The following HACD1 variants were observed in gnomAD, a reference collection of about 807,000 sequenced individuals.
HACD1 encodes very-long-chain (3R)-3-hydroxyacyl-CoA dehydratase 1.
HACD1 carries 41 observed loss-of-function variants against 32.0 expected under a neutral mutation model. The ratio of observed to expected loss-of-function variants is 1.28; its 90% confidence interval spans 1.00 to 1.66. The LOEUF (loss-of-function observed/expected upper bound fraction) is 1.66. Among genes scored for constraint, HACD1 ranks in the 40% most tolerant of loss-of-function variants. The probability of loss-of-function intolerance (pLI) is 0.00; values close to 1 mark genes in which losing one functional copy is unlikely to be tolerated. For synonymous variants in HACD1, 142 were observed against 139.0 expected (o/e 1.02, Z -0.15); for missense variants, 396 against 380.1 (o/e 1.04, Z -0.35).
intron 1 of HACD1, among the ~76,000 whole-genome samples, 160 bp downstream of exon 1, chr10:17,616,923 C>T (rs1168727778): frequency 6.6e-6 from 1 of 151,780 alleles, no homozygotes; most frequent in African/African-American, 2.4e-5. Flanking sequence ...CCCGCCCGCT[C>T]CATTCAACCC....
At chr10:17,594,480 TTC>T in intron 5 of HACD1, 97 bp from the exon 6 acceptor site, 1 of 932,048 alleles carries the variant, frequency 1.1e-6, no homozygotes, top group Non-Finnish European at 1.5e-6. Flanking sequence ...AACTTCAAAA[TTC>T]TCTTTTCTTT....
intron 1 of HACD1, among the ~76,000 whole-genome samples, chr10:17,605,350 C>A (rs1474983862): frequency 1.3e-5 from 2 of 151,854 alleles, no homozygotes; most frequent in Non-Finnish European, 2.9e-5. Context: ...CATGGTGAAA[C>A]CCTGTCTCTA....
chr10:17,613,095 GGGGTGTGTGTGTGTGTGTGT>G (rs1473043519), intron 1 of HACD1, among the ~76,000 whole-genome samples: 2 of 119,818 alleles, frequency 1.7e-5, no homozygotes, highest in African/African-American at 6.8e-5. Context: ...TTTGCAATTT[GGGGTGTGTGTGTGTGTGTGT>G]GTGTGTGTGT....
chr10:17,617,242 G>C lies in HACD1; in HGVS notation c.98C>G (p.Ser33Cys). The C allele has an allele frequency of 1.3e-6, 2 of 1,481,898 alleles. No homozygotes were observed. Among genetic ancestry groups the C allele is most frequent in the Non-Finnish European group, 1.8e-6 (2 of 1,121,556 alleles). 91.8% of individuals were successfully genotyped at this position (1,481,898 alleles called of 1,614,324 possible). ...CGCCATGGTGGCCGCGCACCTGGGG[G>C]ACGTGGGAGACAGCGGCAGGAGCGT... is the stretch of plus-strand genomic sequence containing the variant. Reference protein sequence around the residue: ...PPTLLPLSPTSPRCAATMASS... With the variant: ...PPTLLPLSPTCPRCAATMASS... Residue 33 changes from serine (S) to cysteine (C), a missense_variant, in exon 1 of 7, where the codon TCC (serine) becomes TGC (cysteine). Physicochemically the swap from Ser to Cys is moderately radical, Grantham distance 112. Transcript: ENST00000361271.
In HACD1 at chr10:17,617,296, C is replaced by T. The variant is rs1275533824; in HGVS notation, c.44G>A (p.Arg15Gln). The change falls in exon 1 of 7, where the codon CGG (arginine) becomes CAG (glutamine). Residue 15 changes from arginine (R) to glutamine (Q), a missense_variant. Physicochemically the swap from Arg to Gln is conservative, Grantham distance 43 (BLOSUM62 1). Transcript: ENST00000361271. ...TEAAAAGSGS[R>Q]AAGWAGSPPT... ...AGGGGACCCTGCCCAGCCTGCAGCC[C>T]GAGAGCCGCTGCCCGCTGCCGCCGC... is the stretch of plus-strand genomic sequence containing the variant. The T allele has an allele frequency of 7.6e-6, 11 of 1,454,272 alleles. No individual in the cohort carries two copies. The highest frequency in any genetic ancestry group is 9.0e-6 in the Non-Finnish European group (10 of 1,109,380). The allele number at this position is 1,454,272 out of a possible 1,614,324, so 90.1% of individuals were successfully genotyped here. A position where few individuals can be genotyped will look rare whatever the true frequency, so the allele number is the denominator to read the frequency against.
chr10:17,589,056 A>C lies in HACD1; in HGVS notation c.*1308T>G, dbSNP rs1051412288. 7.9e-5 allele frequency: 12 copies of C among 152,196 alleles called. No individual in the cohort carries two copies. Among genetic ancestry groups the C allele is most frequent in the Non-Finnish European group, 1.6e-4 (11 of 68,024 alleles). 9.4% of individuals were successfully genotyped at this position (152,196 alleles called of 1,614,324 possible). Reference sequence around the variant, plus strand: ...GTCTGGTGTATTTTTTTTATTAAACACAAGGACAGGAACTTTATTACAAGA... The same window carrying C: ...GTCTGGTGTATTTTTTTTATTAAACCCAAGGACAGGAACTTTATTACAAGA... On this transcript the variant is annotated 3_prime_UTR_variant, in exon 7 of 7. Coordinates refer to ENST00000361271, the MANE Select transcript of HACD1 (RefSeq NM_014241.4).
At chr10:17,597,173 G>C (rs570607706) in intron 5 of HACD1, among the ~76,000 whole-genome samples, 20 of 152,230 alleles carry the variant, frequency 1.3e-4, no homozygotes, top group Non-Finnish European at 2.8e-4. Flanking sequence ...TTTTGAGACA[G>C]AGTCACGCTG....
chr10:17,610,205 G>A (rs559741561), intron 1 of HACD1, among the ~76,000 whole-genome samples: 5 of 152,102 alleles, frequency 3.3e-5, no homozygotes, highest in Admixed American at 6.6e-5. Context: ...GTCCATTTGC[G>A]GATCTGTCCT....
In HACD1 at chr10:17,591,976, A is replaced by AATTTTTTTTTTTTTT. The variant is rs1833933560; in HGVS notation, c.785-1531_785-1530insAAAAAAAAAAAAAAT. ...CCCTGCCTTAACTCACCAGCTACTGATTTTTTTTTTTTTTTTTTTTTTTGA... is the reference window on the plus strand; with the variant it reads ...CCCTGCCTTAACTCACCAGCTACTGAATTTTTTTTTTTTTTTTTTTTTTTTTTTTTTTTTTTTTGA... On this transcript the variant is annotated intron_variant, in intron 6 of 6. Coordinates refer to ENST00000361271, the MANE Select transcript of HACD1 (RefSeq NM_014241.4). 5.0e-4 allele frequency among the ~76,000 whole-genome samples: 48 copies of AATTTTTTTTTTTTTT among 96,942 alleles called. 1 individual carries two copies. Among genetic ancestry groups the AATTTTTTTTTTTTTT allele is most frequent in the African/African-American group, 2.0e-3 (45 of 22,274 alleles). The allele number at this position is 96,942 out of a possible 152,430, so 63.6% of individuals were successfully genotyped here. A position where few individuals can be genotyped will look rare whatever the true frequency, so the allele number is the denominator to read the frequency against.
chr10:17,593,931 TA>T (rs1230859028), intron 6 of HACD1, among the ~76,000 whole-genome samples: 11 of 152,294 alleles, frequency 7.2e-5, no homozygotes, highest in South Asian at 2.1e-4. Context: ...TATCTTTCTT[TA>T]AAAAAATCAT....
chr10:17,609,299 G>A (rs535731750), intron 1 of HACD1, among the ~76,000 whole-genome samples: 2 of 151,794 alleles, frequency 1.3e-5, no homozygotes, highest in African/African-American at 2.4e-5. Flanking sequence ...GACTATAGGC[G>A]CCCGCCACCA....
At chr10:17,616,484 T>C (rs1833086113) in intron 1 of HACD1, among the ~76,000 whole-genome samples, 1 of 151,940 alleles carries the variant, frequency 6.6e-6, no homozygotes, top group African/African-American at 2.4e-5. Context: ...TGTGTAACCT[T>C]AACTTGCAAA....
chr10:17,597,480 G>A lies in HACD1; in HGVS notation c.605+1810C>T, dbSNP rs190434200. On this transcript the variant is annotated intron_variant, in intron 5 of 6. Transcript: ENST00000361271. ...TTCTAAACAGCAAATTTAAACATACGATGGCAGAGTTTTTATCTTTTCCAG... is the reference window on the plus strand; with the variant it reads ...TTCTAAACAGCAAATTTAAACATACAATGGCAGAGTTTTTATCTTTTCCAG... 5.3e-5 allele frequency among the ~76,000 whole-genome samples: 8 copies of A among 152,110 alleles called. No individual in the cohort carries two copies. The East Asian group carries it at 1.2e-3, about 22-fold the overall frequency.
At chr10:17,593,321 CT>C (rs11372990) in intron 6 of HACD1, among the ~76,000 whole-genome samples, 19 of 148,726 alleles carry the variant, frequency 1.3e-4, no homozygotes, top group Admixed American at 1.3e-4. Flanking sequence ...GCCCCCACGC[CT>C]TTTTTTTTTT....
intron 4 of HACD1, among the ~76,000 whole-genome samples, chr10:17,600,645 T>C (rs1224967990): frequency 2.0e-5 from 3 of 152,082 alleles, no homozygotes; most frequent in African/African-American, 4.8e-5. Context: ...TCTTCTACTG[T>C]ACTTTGTTCA....
intron 1 of HACD1, among the ~76,000 whole-genome samples, chr10:17,613,074 T>C (rs1833013911): frequency 6.6e-6 from 1 of 151,254 alleles, no homozygotes; most frequent in African/African-American, 2.4e-5. Flanking sequence ...TCTTAAATAC[T>C]ATTCCGTTGC....
In HACD1 at chr10:17,611,287, G is replaced by A. The variant is rs938616851; in HGVS notation, c.257+5796C>T. Among the ~76,000 whole-genome samples the A allele has an allele frequency of 2.6e-5, 4 of 152,090 alleles. No homozygotes were observed. In the South Asian group the frequency reaches 8.3e-4, roughly 32 times the overall value. On this transcript the variant is annotated intron_variant, in intron 1 of 6. Transcript: ENST00000361271. ...GCTGGGATTACAGGCATGAGCCACCGCGCCCGGCCCAAGCCCTCTTCTTGA... is the reference window on the plus strand; with the variant it reads ...GCTGGGATTACAGGCATGAGCCACCACGCCCGGCCCAAGCCCTCTTCTTGA...
At position 17,604,260 on chromosome 10, in the gene HACD1, C is replaced by T. The variant is rs142860141; in HGVS notation, c.258-213G>A. ...CCGCACTTTGGGAGGCCAAGACGGG[C>T]GGATCACGAGGTCAGGAGATCGAGA... On this transcript the variant is annotated intron_variant, in intron 1 of 6. Coordinates refer to ENST00000361271, the MANE Select transcript of HACD1 (RefSeq NM_014241.4). Among the ~76,000 whole-genome samples the T allele has an allele frequency of 0.037, 5,614 of 152,078 alleles. 146 individuals are homozygous for T. The highest frequency in any genetic ancestry group is 0.066 in the African/African-American group (2,747 of 41,464).
At chr10:17,605,914 A>G (rs535345984) in intron 1 of HACD1, among the ~76,000 whole-genome samples, 1 of 152,218 alleles carries the variant, frequency 6.6e-6, no homozygotes, top group African/African-American at 2.4e-5. Context: ...AGATGGTGCC[A>G]CTGCACTCCA....
Sources: gnomAD v4.1 joint callset for allele counts (sites outside exome capture counted in the v4.1 genomes callset) on GRCh38, gnomAD v4.1.1 for gene constraint, MANE v1.5 for transcripts, NCBI Gene and HGNC (gene_info 2026-07-23, HGNC 2026-07-21) for gene names.